The following SLC16A2 variants were observed in gnomAD, a reference collection of about 807,000 sequenced individuals.
The protein encoded by SLC16A2 is monocarboxylate transporter 8.
A neutral mutation model predicts 27.2 loss-of-function variants in SLC16A2; 3 were observed. The observed-to-expected ratio is 0.11, with a 90% CI of 0.05 to 0.28. The LOEUF (loss-of-function observed/expected upper bound fraction) is 0.28. Ranked by LOEUF, SLC16A2 falls within the 10% of genes least tolerant of loss-of-function variation. The probability of loss-of-function intolerance (pLI) is 1.00; values close to 1 mark genes in which losing one functional copy is unlikely to be tolerated. For missense variants in SLC16A2, 295 were observed against 458.5 expected (o/e 0.64, Z 3.26); for synonymous variants, 202 against 187.8 (o/e 1.08, Z -0.62).
At position 74,532,326 on chromosome X, in the gene SLC16A2, C is replaced by T. The variant is rs1930583031; in HGVS notation, c.*773C>T. On this transcript the variant is annotated 3_prime_UTR_variant, in exon 6 of 6. Transcript: ENST00000587091. The stretch of plus-strand genomic sequence containing the variant: ...TCATCTCAGGCTGAGCCACATCTCA[C>T]TTTTTCGCTCAAGCTATATAATCCT... The T allele has an allele frequency of 8.9e-6, 1 of 112,601 alleles. No individual in the cohort carries two copies. Among genetic ancestry groups the T allele is most frequent in the Non-Finnish European group, 1.9e-5 (1 of 53,612 alleles). 9.3% of individuals were successfully genotyped at this position (112,601 alleles called of 1,213,427 possible).
At chrX:74,448,234 AC>A (rs1928872194) in intron 1 of SLC16A2, among the ~76,000 whole-genome samples, 1 of 110,366 alleles carries the variant, frequency 9.1e-6, no homozygotes, top group South Asian at 3.9e-4. Context: ...TGTATTTTAA[AC>A]AATCTTATCA....
At chrX:74,459,166 T>C (rs1929084901) in intron 1 of SLC16A2, among the ~76,000 whole-genome samples, 1 of 61,000 alleles carries the variant, frequency 1.6e-5, no homozygotes, top group Non-Finnish European at 3.1e-5. Context: ...CGTTTACCTG[T>C]AACTGAGCCA....
rs980491873 is a variant in SLC16A2, at chrX:74,499,292, C to A, written c.431-21698C>A. 1.0e-4 allele frequency among the ~76,000 whole-genome samples: 11 copies of A among 110,090 alleles called. 1 individual carries two copies. The highest frequency in any genetic ancestry group is 3.8e-5 in the Non-Finnish European group (2 of 52,807). Reference sequence around the variant, plus strand: ...TATCCTTGATGTCTCTTATCAGTTGCACCCCCTGGCTGCACCCACCACTAC... The same window carrying A: ...TATCCTTGATGTCTCTTATCAGTTGAACCCCCTGGCTGCACCCACCACTAC... On this transcript the variant is annotated intron_variant, in intron 1 of 5. Transcript: ENST00000587091.
intron 1 of SLC16A2, among the ~76,000 whole-genome samples, chrX:74,470,732 A>C (rs1384360380): frequency 9.0e-6 from 1 of 111,169 alleles, no homozygotes; most frequent in Non-Finnish European, 1.9e-5. Context: ...AGATCAGGAG[A>C]TCGAGATCAT....
At chrX:74,428,029 C>T (rs1370716718) in intron 1 of SLC16A2, among the ~76,000 whole-genome samples, 1 of 110,944 alleles carries the variant, frequency 9.0e-6, no homozygotes, top group Admixed American at 9.6e-5. Context: ...CTGGATTGTA[C>T]CTCTTGAACT....
intron 1 of SLC16A2, among the ~76,000 whole-genome samples, chrX:74,469,171 GAAT>G (rs1290640601): frequency 2.7e-5 from 3 of 112,090 alleles, no homozygotes; most frequent in African/African-American, 9.7e-5. Context: ...TTTTATGCCT[GAAT>G]AATATTCCAT....
chrX:74,520,126 C>T (rs928486205), intron 1 of SLC16A2, among the ~76,000 whole-genome samples: 1 of 112,231 alleles, frequency 8.9e-6, no homozygotes, highest in African/African-American at 3.2e-5. Flanking sequence ...GGCCCAGTGC[C>T]TAGCTCATGT....
At chrX:74,522,777 C>T (rs866942647) in intron 2 of SLC16A2, among the ~76,000 whole-genome samples, 8 of 111,804 alleles carry the variant, frequency 7.2e-5, no homozygotes, top group Middle Eastern at 4.6e-3. Context: ...CTTCTCTACC[C>T]GCTTTGTTCT....
chrX:74,504,853 G>A (rs1602135351), intron 1 of SLC16A2, among the ~76,000 whole-genome samples: 1 of 111,549 alleles, frequency 9.0e-6, no homozygotes, highest in East Asian at 2.8e-4. Flanking sequence ...TTAGCGGAGT[G>A]TAATGGCGCA....
intron 1 of SLC16A2, among the ~76,000 whole-genome samples, chrX:74,475,803 T>A: frequency 9.0e-6 from 1 of 111,597 alleles, no homozygotes; most frequent in Admixed American, 9.6e-5. Context: ...ATATGTGGCA[T>A]TATTTCTGAG....
intron 1 of SLC16A2, among the ~76,000 whole-genome samples, chrX:74,513,183 T>C (rs747151617): frequency 1.1e-3 from 128 of 112,425 alleles, no homozygotes; most frequent in African/African-American, 3.8e-3. Flanking sequence ...TCAGCACTTA[T>C]GCACTGTGGA....
rs916075378 is a variant in SLC16A2, at chrX:74,423,176, G to C, written c.430+1109G>C. On this transcript the variant is annotated intron_variant, in intron 1 of 5. Coordinates refer to ENST00000587091, the MANE Select transcript of SLC16A2 (RefSeq NM_006517.5). ...TGGTGAGGGATTCAGACGAAGACGGGGGATTGGGATGCCCTCTCTGGCAAG... is the reference window on the plus strand; with the variant it reads ...TGGTGAGGGATTCAGACGAAGACGGCGGATTGGGATGCCCTCTCTGGCAAG... Among the ~76,000 whole-genome samples the C allele has an allele frequency of 6.2e-5, 7 of 112,377 alleles. No individual in the cohort carries two copies. In the South Asian group the frequency reaches 1.8e-3, roughly 30 times the overall value.
intron 1 of SLC16A2, among the ~76,000 whole-genome samples, chrX:74,441,825 C>T (rs1928753386): frequency 9.0e-6 from 1 of 111,266 alleles, no homozygotes; most frequent in Non-Finnish European, 1.9e-5. Flanking sequence ...AGGAAAGCCT[C>T]CCCCTCACCC....
At chrX:74,448,228 T>A (rs1327606853) in intron 1 of SLC16A2, among the ~76,000 whole-genome samples, 1 of 110,474 alleles carries the variant, frequency 9.1e-6, no homozygotes, top group Admixed American at 9.7e-5. Context: ...AAAGTCTGTA[T>A]TTTAAACAAT....
intron 1 of SLC16A2, among the ~76,000 whole-genome samples, chrX:74,427,619 T>C (rs1233166409): frequency 9.0e-6 from 1 of 111,633 alleles, no homozygotes; most frequent in Non-Finnish European, 1.9e-5. Flanking sequence ...CCCACCAGCC[T>C]CATTTTATGG....
intron 1 of SLC16A2, among the ~76,000 whole-genome samples, chrX:74,456,794 G>A (rs1017374059): frequency 4.1e-4 from 46 of 111,653 alleles, no homozygotes; most frequent in African/African-American, 1.3e-3. Flanking sequence ...CAAAGCCACC[G>A]GGTCCCTTCT....
intron 1 of SLC16A2, among the ~76,000 whole-genome samples, chrX:74,482,991 C>T (rs1416186430): frequency 8.9e-6 from 1 of 112,061 alleles, no homozygotes; most frequent in African/African-American, 3.2e-5. Context: ...CAGACATGAG[C>T]CACCCTGACT....
intron 1 of SLC16A2, among the ~76,000 whole-genome samples, chrX:74,500,074 G>A (rs1033426259): frequency 2.7e-5 from 3 of 110,270 alleles, no homozygotes; most frequent in African/African-American, 9.8e-5. Context: ...TTCACTTTGG[G>A]GTGAGGTTTT....
intron 1 of SLC16A2, among the ~76,000 whole-genome samples, chrX:74,515,120 A>G (rs886816399): frequency 5.3e-5 from 6 of 112,654 alleles, no homozygotes; most frequent in African/African-American, 1.9e-4. Flanking sequence ...AAAGCAGCCA[A>G]CAAAAAATGC....
Sources: allele counts gnomAD v4.1 joint callset (sites outside exome capture counted in the v4.1 genomes callset), GRCh38; gene constraint gnomAD v4.1.1; transcripts MANE v1.5; gene names NCBI Gene and HGNC (gene_info 2026-07-23, HGNC 2026-07-21).